The following ATM variants were observed in gnomAD, a reference collection of about 807,000 sequenced individuals.
ATM encodes serine-protein kinase ATM.
A neutral mutation model predicts 387.0 loss-of-function variants in ATM; 308 were observed. The observed-to-expected ratio is 0.80, with a 90% confidence interval of 0.73 to 0.87. The LOEUF (loss-of-function observed/expected upper bound fraction) is 0.87. Ranked by LOEUF, ATM falls within the 40% of genes least tolerant of loss-of-function variation. The pLI is 0.00. For missense variants in ATM, 3,312 were observed against 3,560.9 expected (o/e 0.93, Z 1.78); for synonymous variants, 1,156 against 1,187.3 (o/e 0.97, Z 0.54).
intron 35 of ATM, among the ~76,000 whole-genome samples, chr11:108,302,216 T>C (rs894813111): frequency 2.6e-5 from 4 of 152,158 alleles, no homozygotes; most frequent in Non-Finnish European, 5.9e-5. Context: ...CCTTTTTCCA[T>C]GTTGATATCG....
At position 108,250,592 on chromosome 11, in the gene ATM, T is replaced by A; in HGVS notation, c.1236-109T>A. Reference sequence around the variant, plus strand: ...TATTTTTAGAGTACTATGGAAATGATGGTGATTCTCTAATTAGGATATTGT... The same window carrying A: ...TATTTTTAGAGTACTATGGAAATGAAGGTGATTCTCTAATTAGGATATTGT... On this transcript the variant is annotated intron_variant, in intron 9 of 62. Coordinates refer to ENST00000675843, the MANE Select transcript of ATM (RefSeq NM_000051.4). The A allele has an allele frequency of 1.6e-5, 19 of 1,194,986 alleles. No homozygotes were observed. The South Asian group carries it at 2.5e-4, about 16-fold the overall frequency. 74.0% of individuals were successfully genotyped at this position (1,194,986 alleles called of 1,614,324 possible). A position where few individuals can be genotyped will look rare whatever the true frequency, so the allele number is the denominator to read the frequency against.
At chr11:108,270,542 A>AC (rs2081517540) in intron 18 of ATM, among the ~76,000 whole-genome samples, 1 of 152,142 alleles carries the variant, frequency 6.6e-6, no homozygotes, top group African/African-American at 2.4e-5. Context: ...GACATAAGGC[A>AC]AGTTTTTTAC....
chr11:108,240,346 C>T (rs1305550267), intron 5 of ATM, among the ~76,000 whole-genome samples: 2 of 152,090 alleles, frequency 1.3e-5, no homozygotes, highest in Non-Finnish European at 2.9e-5. Context: ...CTGTGGGAAC[C>T]ATGGATCTTT....
intron 56 of ATM, among the ~76,000 whole-genome samples, chr11:108,337,617 C>T (rs2086994686): frequency 6.6e-6 from 1 of 152,160 alleles, no homozygotes; most frequent in African/African-American, 2.4e-5. Flanking sequence ...CTTTGAGACC[C>T]ACCAGTCTAC....
chr11:108,315,331 G>A (rs1169515754), intron 40 of ATM, among the ~76,000 whole-genome samples: 1 of 152,088 alleles, frequency 6.6e-6, no homozygotes, highest in African/African-American at 2.4e-5. Flanking sequence ...GTTTATATTT[G>A]TCTTAACCAC....
At position 108,358,687 on chromosome 11, in the gene ATM, G is replaced by T. The variant is rs12362933; in HGVS notation, c.8850+3813G>T. On this transcript the variant is annotated intron_variant, in intron 61 of 62. Coordinates refer to ENST00000675843, the MANE Select transcript of ATM (RefSeq NM_000051.4). The stretch of plus-strand genomic sequence containing the variant: ...TTTTCAACCCAGAATTTCATATCCA[G>T]CCAAACTAAGCTTCATCAGTGAAGT... 2.7e-3 allele frequency among the ~76,000 whole-genome samples: 403 copies of T among 148,470 alleles called. 2 individuals are homozygous for T. Among genetic ancestry groups the T allele is most frequent in the East Asian group, 3.6e-3 (18 of 5,026 alleles).
At chr11:108,251,395 A>T (rs1287471617) in intron 10 of ATM, among the ~76,000 whole-genome samples, 2 of 152,216 alleles carry the variant, frequency 1.3e-5, no homozygotes, top group Non-Finnish European at 2.9e-5. Flanking sequence ...ATGTAGGGTG[A>T]TGGGATATCA....
intron 62 of ATM, 44 bp downstream of exon 62, chr11:108,365,262 T>G (rs761606131): frequency 1.2e-6 from 2 of 1,614,186 alleles, no homozygotes; most frequent in Non-Finnish European, 1.7e-6. Flanking sequence ...TTTTTCAGAT[T>G]TTCTTATTCC....
At position 108,366,396 on chromosome 11, in the gene ATM, GTTTT is replaced by G. The variant is rs200629108; in HGVS notation, c.*892_*895del. 4.6e-6 allele frequency: 1 copy of G among 216,344 alleles called. No individual in the cohort carries two copies. Among genetic ancestry groups the G allele is most frequent in the Non-Finnish European group, 9.3e-6 (1 of 107,714 alleles). The allele number at this position is 216,344 out of a possible 1,614,324, so 13.4% of individuals were successfully genotyped here. On this transcript the variant is annotated 3_prime_UTR_variant, in exon 63 of 63. Coordinates refer to ENST00000675843, the MANE Select transcript of ATM (RefSeq NM_000051.4). ...TCTGTTTCTTGATGTCATTTTTAAT[GTTTT>G]TTTAATGTTTTTTATGTCACTAATT...
rs1435031581 is a variant in ATM at position 108,332,643 on chromosome 11, T to TA, written c.7789-117dup. On this transcript the variant is annotated intron_variant, in intron 52 of 62. Transcript: ENST00000675843. ...TGTTTTGTTTGTATCTGAGGAATTA[T>TA]AATCATTCCATTGTCTAGATTTGTG... The TA allele has an allele frequency of 1.7e-5, 19 of 1,104,672 alleles. No homozygotes were observed. In the East Asian group the frequency reaches 4.6e-4, roughly 27 times the overall value. 68.4% of individuals were successfully genotyped at this position (1,104,672 alleles called of 1,614,324 possible).
chr11:108,327,521 A>C, intron 47 of ATM, 124 bp from the exon 48 acceptor site: 1 of 729,160 alleles, frequency 1.4e-6, no homozygotes, highest in East Asian at 2.8e-5. Flanking sequence ...ATGAGGAAAA[A>C]CTTTTTTTTT....
At chr11:108,289,559 T>G (rs1361385485) in intron 28 of ATM, 43 bp from the exon 29 acceptor site, 1 of 1,428,978 alleles carries the variant, frequency 7.0e-7, no homozygotes, top group South Asian at 1.2e-5. Flanking sequence ...TGTAGCCGAG[T>G]ATCTAATTAA....
chr11:108,277,583 A>G (rs2082012967), intron 22 of ATM, among the ~76,000 whole-genome samples: 1 of 152,204 alleles, frequency 6.6e-6, no homozygotes, highest in African/African-American at 2.4e-5. Context: ...CATTCCTCAC[A>G]GCATAGCCCC....
chr11:108,319,065 T>G (rs1460274566), intron 43 of ATM, among the ~76,000 whole-genome samples: 1 of 151,954 alleles, frequency 6.6e-6, no homozygotes, highest in Admixed American at 6.6e-5. Context: ...TAGTCCCAGC[T>G]GCTTGGGAGG....
intron 27 of ATM, 43 bp from the exon 28 acceptor site, chr11:108,288,934 C>G: frequency 6.2e-7 from 1 of 1,612,356 alleles, no homozygotes; most frequent in Non-Finnish European, 8.5e-7. Context: ...ATGAACAAAA[C>G]TTTTTAAAAC....
In ATM at chr11:108,365,159, T is replaced by G. The variant is rs786202343; in HGVS notation, c.8928T>G (p.Asp2976Glu). ...TGTATTTACAGCAGAGGCCGGAAGA[T>G]GAAACTGAGCTTCACCCTACTCTGA... is the stretch of plus-strand genomic sequence containing the variant. ...KALYLQQRPE[D>E]ETELHPTLNA... is the part of the protein sequence containing the mutation. The change falls in exon 62 of 63, where the codon GAT becomes GAG. Residue 2976 changes from aspartate (D) to glutamate (E), a missense_variant. Asp to Glu is a conservative substitution (Grantham distance 45). Coordinates refer to ENST00000675843, the MANE Select transcript of ATM (RefSeq NM_000051.4). The G allele has an allele frequency of 1.2e-6, 2 of 1,614,246 alleles. No homozygotes were observed. The highest frequency in any genetic ancestry group is 1.7e-6 in the Non-Finnish European group (2 of 1,180,040).
chr11:108,270,937 G>A, intron 18 of ATM, 127 bp from the exon 19 acceptor site: 1 of 757,188 alleles, frequency 1.3e-6, no homozygotes, highest in South Asian at 1.5e-5. Context: ...CTTGTGATCT[G>A]CCTGCTTCAG....
At chr11:108,285,627 T>C (rs944914652) in intron 26 of ATM, among the ~76,000 whole-genome samples, 2 of 152,066 alleles carry the variant, frequency 1.3e-5, no homozygotes, top group Non-Finnish European at 2.9e-5. Context: ...TTTTTTAGTT[T>C]CCTAGTTATC....
At chr11:108,243,237 C>T (rs2079655092) in intron 5 of ATM, among the ~76,000 whole-genome samples, 1 of 152,008 alleles carries the variant, frequency 6.6e-6, no homozygotes, top group South Asian at 2.1e-4. Context: ...AAGAAACAAA[C>T]CAAGCAGAGT....
Sources: allele counts gnomAD v4.1 joint callset (sites outside exome capture counted in the v4.1 genomes callset), GRCh38; gene constraint gnomAD v4.1.1; transcripts MANE v1.5; gene names NCBI Gene and HGNC (gene_info 2026-07-23, HGNC 2026-07-21).